ANKH: variants seen among roughly 807,000 people sequenced by gnomAD.
ANKH encodes the protein ANKH inorganic pyrophosphate transport regulator.
ANKH carries 15 observed loss-of-function variants against 49.0 expected under a neutral mutation model. The observed-to-expected ratio is 0.31, with a 90% CI of 0.20 to 0.47. The LOEUF (loss-of-function observed/expected upper bound fraction) is 0.47. Among genes scored for constraint, ANKH ranks in the 20% least tolerant of loss-of-function variants. The pLI, the probability that ANKH is intolerant of heterozygous loss-of-function variation, is 1.00. For synonymous variants in ANKH, 273 were observed against 260.0 expected, an observed-to-expected ratio of 1.05 and a Z score of -0.48; for missense variants, 429 against 652.0, an observed-to-expected ratio of 0.66 and a Z score of 3.72.
rs138050705 is a variant in ANKH at position 14,710,005 on chromosome 5, C to T, written c.*1192G>A. The T allele has an allele frequency of 6.6e-6, 1 of 152,002 alleles. No homozygotes were observed. Among genetic ancestry groups the T allele is most frequent in the Non-Finnish European group, 1.5e-5 (1 of 67,992 alleles). 9.4% of individuals were successfully genotyped at this position (152,002 alleles called of 1,614,324 possible). ...CTATAATTTTTTTAAAGGAAAAAAC[C>T]TGCTTTCCAAAACTTAGAAAAATAT... On this transcript the variant is annotated 3_prime_UTR_variant, in exon 12 of 12. Transcript: ENST00000284268.
chr5:14,731,208 A>C (rs756463990), intron 8 of ANKH, among the ~76,000 whole-genome samples: 4 of 152,128 alleles, frequency 2.6e-5, no homozygotes, highest in Non-Finnish European at 5.9e-5. Flanking sequence ...GATCTTTATC[A>C]TTTCCAAATC....
In ANKH at chr5:14,712,799, G is replaced by C. The variant is rs545738221; in HGVS notation, c.1365+75C>G. The C allele has an allele frequency of 9.2e-6, 13 of 1,415,294 alleles. No homozygotes were observed. The African/African-American group carries it at 1.4e-4, about 15-fold the overall frequency. 87.7% of individuals were successfully genotyped at this position (1,415,294 alleles called of 1,614,324 possible). ...ACTGACGAACGCCACCATCCAACCT[G>C]GTCAGTGGCTGCTCAGGTTCTCCTG... On this transcript the variant is annotated intron_variant, in intron 11 of 11. Coordinates refer to ENST00000284268, the MANE Select transcript of ANKH (RefSeq NM_054027.6).
intron 1 of ANKH, among the ~76,000 whole-genome samples, chr5:14,816,621 T>C (rs905705133): frequency 1.3e-5 from 2 of 152,196 alleles, no homozygotes; most frequent in African/African-American, 4.8e-5. Flanking sequence ...AAGGTTTTAT[T>C]TGGGCATCAA....
At chr5:14,823,642 T>C (rs1741256918) in intron 1 of ANKH, among the ~76,000 whole-genome samples, 1 of 152,198 alleles carries the variant, frequency 6.6e-6, no homozygotes, top group African/African-American at 2.4e-5. Flanking sequence ...TAAATCTTTC[T>C]TTGGCAGGGC....
At chr5:14,783,735 A>C (rs1203081799) in intron 1 of ANKH, among the ~76,000 whole-genome samples, 5 of 152,224 alleles carry the variant, frequency 3.3e-5, no homozygotes, top group African/African-American at 4.8e-5. Flanking sequence ...TGATAATGTA[A>C]TAAGCTAGAG....
At chr5:14,834,461 G>T (rs1561076555) in intron 1 of ANKH, among the ~76,000 whole-genome samples, 1 of 152,172 alleles carries the variant, frequency 6.6e-6, no homozygotes, top group East Asian at 1.9e-4. Flanking sequence ...GGATTTACTA[G>T]GGAATTTCTT....
intron 7 of ANKH, among the ~76,000 whole-genome samples, chr5:14,744,616 C>T (rs1432875658): frequency 6.6e-6 from 1 of 151,974 alleles, no homozygotes; most frequent in Non-Finnish European, 1.5e-5. Context: ...TCGGGAACTG[C>T]AGGAGCAGAG....
chr5:14,745,940 G>A lies in ANKH; in HGVS notation c.845C>T (p.Thr282Ile), dbSNP rs761392297. The stretch of plus-strand genomic sequence containing the variant: ...GTATGGCATGTGACCCACAGGGTAT[G>A]TGGCTGTCAAAATCGCCACTGCCTG... Reference protein sequence around the residue: ...ATEAVAILTATYPVGHMPYGW... With the variant: ...ATEAVAILTAIYPVGHMPYGW... The change falls in exon 7 of 12, where the codon ACA becomes ATA. Residue 282 changes from threonine to isoleucine, a missense_variant. Thr to Ile is a moderately conservative substitution (Grantham distance 89). Transcript: ENST00000284268. The surrounding 1 kb of genome is among the most constrained non-coding windows in gnomAD (Gnocchi z 4.7). 1.9e-6 allele frequency: 3 copies of A among 1,614,208 alleles called. No individual in the cohort carries two copies. The Admixed American group carries it at 5.0e-5, about 27-fold the overall frequency.
intron 1 of ANKH, among the ~76,000 whole-genome samples, chr5:14,776,810 G>A (rs1472318901): frequency 1.3e-5 from 2 of 152,208 alleles, no homozygotes; most frequent in African/African-American, 2.4e-5. Flanking sequence ...CATTCATGGG[G>A]TTTTCAAAGT....
intron 1 of ANKH, among the ~76,000 whole-genome samples, chr5:14,773,365 T>C (rs964913253): frequency 1.0e-4 from 15 of 146,516 alleles, no homozygotes; most frequent in African/African-American, 3.5e-4. Context: ...TTTTTTTTTT[T>C]TTTTTTTTTT....
At chr5:14,732,958 G>C (rs181559109) in intron 8 of ANKH, among the ~76,000 whole-genome samples, 1 of 152,188 alleles carries the variant, frequency 6.6e-6, no homozygotes, top group African/African-American at 2.4e-5. Flanking sequence ...AGCCACAGGC[G>C]TGACAGACAG....
chr5:14,752,187 G>A (rs190314582), intron 4 of ANKH, among the ~76,000 whole-genome samples: 8 of 152,214 alleles, frequency 5.3e-5, no homozygotes, highest in African/African-American at 9.6e-5. Context: ...GTGCACACCC[G>A]TAGTCCTAGC....
intron 1 of ANKH, among the ~76,000 whole-genome samples, chr5:14,811,963 G>A (rs1198394064): frequency 6.6e-6 from 1 of 152,074 alleles, no homozygotes; most frequent in Non-Finnish European, 1.5e-5. Flanking sequence ...GCACCTTTTA[G>A]AAGTCTGAAT....
At chr5:14,838,983 C>T (rs1474684419) in intron 1 of ANKH, among the ~76,000 whole-genome samples, 4 of 152,156 alleles carry the variant, frequency 2.6e-5, no homozygotes, top group South Asian at 2.1e-4. Context: ...ACACTCCCTT[C>T]GAACAACAAC....
chr5:14,742,365 G>A lies in ANKH; in HGVS notation c.916-443C>T, dbSNP rs545634053. On this transcript the variant is annotated intron_variant, in intron 7 of 11. Transcript: ENST00000284268. Reference sequence around the variant, plus strand: ...TACCAAATGGACTATAAATTCCACTGGGCATTCAAGGCCTTGTGCAATCTG... The same window carrying A: ...TACCAAATGGACTATAAATTCCACTAGGCATTCAAGGCCTTGTGCAATCTG... Among the ~76,000 whole-genome samples, 7 of 152,294 alleles carry A rather than the reference G, an allele frequency of 4.6e-5. No individual in the cohort carries two copies. The East Asian group carries it at 1.4e-3, about 29-fold the overall frequency.
chr5:14,766,396 A>G (rs981685077), intron 2 of ANKH, among the ~76,000 whole-genome samples: 5 of 152,184 alleles, frequency 3.3e-5, no homozygotes, highest in Admixed American at 3.3e-4. Flanking sequence ...ACTCTGTCTC[A>G]AAAACAAACA....
intron 8 of ANKH, among the ~76,000 whole-genome samples, chr5:14,717,774 G>C (rs182545184): frequency 5.3e-5 from 8 of 152,250 alleles, no homozygotes; most frequent in African/African-American, 1.4e-4. Flanking sequence ...GAATTTTTCA[G>C]ATTTTAGAAT....
intron 9 of ANKH, among the ~76,000 whole-genome samples, chr5:14,715,737 A>G (rs1302503870): frequency 6.7e-6 from 1 of 149,310 alleles, no homozygotes; most frequent in Non-Finnish European, 1.5e-5. Context: ...CATATTTGCT[A>G]TGGAAATGGT....
intron 1 of ANKH, among the ~76,000 whole-genome samples, chr5:14,811,217 C>A (rs534880819): frequency 6.6e-6 from 1 of 152,162 alleles, no homozygotes; most frequent in African/African-American, 2.4e-5. Flanking sequence ...CAAGCTCAGC[C>A]GCTTCATATT....
Sources: allele counts gnomAD v4.1 joint callset (sites outside exome capture counted in the v4.1 genomes callset), GRCh38; gene constraint gnomAD v4.1.1; non-coding constraint Gnocchi (gnomAD v3.1); transcripts MANE v1.5; gene names NCBI Gene and HGNC (gene_info 2026-07-23, HGNC 2026-07-21).